The following LRRTM4 variants were observed in gnomAD, a reference collection of about 807,000 sequenced individuals.
The protein encoded by LRRTM4 is leucine rich repeat transmembrane neuronal 4.
A neutral mutation model predicts 47.6 loss-of-function variants in LRRTM4; 25 were observed. The observed-to-expected ratio is 0.53, with a 90% confidence interval of 0.38 to 0.73. The LOEUF (loss-of-function observed/expected upper bound fraction) is 0.73. Ranked by LOEUF, LRRTM4 falls within the 30% of genes least tolerant of loss-of-function variation. The pLI is 0.00. For missense variants in LRRTM4, 638 were observed against 713.4 expected, an observed-to-expected ratio of 0.89 and a Z score of 1.20; for synonymous variants, 311 against 269.5, an observed-to-expected ratio of 1.15 and a Z score of -1.51.
At chr2:77,521,524 G>A in intron 2 of LRRTM4, 144 bp downstream of exon 2, 1 of 818,216 alleles carries the variant, frequency 1.2e-6, no homozygotes, top group Non-Finnish European at 2.0e-6. Flanking sequence ...AAATATAATA[G>A]CAACTATAGT....
intron 3 of LRRTM4, among the ~76,000 whole-genome samples, chr2:77,106,597 C>T (rs1320008348): frequency 1.3e-5 from 2 of 151,836 alleles, no homozygotes; most frequent in South Asian, 2.1e-4. Flanking sequence ...GATATAAACA[C>T]TTGTAGTGAG....
chr2:77,053,033 C>G (rs376341502), intron 3 of LRRTM4, among the ~76,000 whole-genome samples: 3 of 151,542 alleles, frequency 2.0e-5, no homozygotes, highest in African/African-American at 4.8e-5. Context: ...TAACATAGTT[C>G]GGGTAAAATG....
intron 3 of LRRTM4, among the ~76,000 whole-genome samples, chr2:77,494,599 A>G (rs1487363658): frequency 6.8e-6 from 1 of 146,918 alleles, no homozygotes; most frequent in Non-Finnish European, 1.5e-5. Context: ...TTTTTTTTTT[A>G]TTCTTCATGG....
At chr2:76,773,883 T>C (rs1013264686) in intron 3 of LRRTM4, among the ~76,000 whole-genome samples, 6 of 151,912 alleles carry the variant, frequency 3.9e-5, no homozygotes, top group African/African-American at 1.4e-4. Context: ...TAAATTTTAT[T>C]TACCTGGTAT....
At chr2:77,303,775 A>G (rs566838537) in intron 3 of LRRTM4, among the ~76,000 whole-genome samples, 52 of 152,322 alleles carry the variant, frequency 3.4e-4, no homozygotes, top group African/African-American at 1.1e-3. Context: ...ATGTTGTCAC[A>G]AATGACATGA....
intron 3 of LRRTM4, among the ~76,000 whole-genome samples, chr2:77,429,123 G>C (rs1675246534): frequency 6.6e-6 from 1 of 152,166 alleles, no homozygotes; most frequent in South Asian, 2.1e-4. Context: ...GAATGAGTGG[G>C]AGTAAAGTGC....
chr2:77,389,269 C>T (rs990573281), intron 3 of LRRTM4, among the ~76,000 whole-genome samples: 13 of 151,932 alleles, frequency 8.6e-5, no homozygotes, highest in Non-Finnish European at 4.4e-5. Context: ...ATTAAAAGGG[C>T]TGAAAACTGC....
chr2:77,359,324 T>G (rs1481292439), intron 3 of LRRTM4, among the ~76,000 whole-genome samples: 1 of 152,268 alleles, frequency 6.6e-6, no homozygotes, highest in Non-Finnish European at 1.5e-5. Flanking sequence ...AATGAGATTT[T>G]TATATAATCA....
chr2:77,510,696 C>T (rs749535142), intron 3 of LRRTM4, among the ~76,000 whole-genome samples: 6 of 151,868 alleles, frequency 4.0e-5, no homozygotes, highest in Non-Finnish European at 7.4e-5. Context: ...TTATTTAGAT[C>T]TTAAAAATAT....
At position 77,518,581 on chromosome 2, in the gene LRRTM4, C is replaced by T; in HGVS notation, c.1288G>A (p.Val430Met). ...VSFHKIIAGS[V>M]ALFLSVAMIL... ...ATGGCCACTGAGAGAAAGAGAGCCA[C>T]ACTCCCGGCAATAATTTTGTGAAAT... Residue 430 changes from valine (V) to methionine (M), a missense_variant, in exon 3 of 4, where the codon GTG becomes ATG. Val to Met is a conservative substitution (Grantham distance 21, BLOSUM62 1). Transcript: ENST00000409884. The T allele has an allele frequency of 1.2e-6, 2 of 1,613,432 alleles. No individual in the cohort carries two copies. The highest frequency in any genetic ancestry group is 1.7e-6 in the Non-Finnish European group (2 of 1,179,640).
At chr2:76,786,148 A>T (rs1419134201) in intron 3 of LRRTM4, among the ~76,000 whole-genome samples, 1 of 152,150 alleles carries the variant, frequency 6.6e-6, no homozygotes, top group African/African-American at 2.4e-5. Context: ...TGATAGGAAA[A>T]GAAGTACAAA....
chr2:77,094,105 T>A (rs1670741143), intron 3 of LRRTM4, among the ~76,000 whole-genome samples: 1 of 152,098 alleles, frequency 6.6e-6, no homozygotes, highest in African/African-American at 2.4e-5. Flanking sequence ...GAACTAATAA[T>A]TTTGGTAAAG....
chr2:77,512,186 T>G (rs976308980), intron 3 of LRRTM4, among the ~76,000 whole-genome samples: 1 of 152,146 alleles, frequency 6.6e-6, no homozygotes, highest in African/African-American at 2.4e-5. Context: ...TTGGCAGTGA[T>G]AGCATTATTT....
At chr2:77,114,189 GC>G (rs1422332475) in intron 3 of LRRTM4, among the ~76,000 whole-genome samples, 1 of 152,006 alleles carries the variant, frequency 6.6e-6, no homozygotes, top group Non-Finnish European at 1.5e-5. Context: ...ACGTACCAAG[GC>G]CCAATCACCC....
intron 3 of LRRTM4, among the ~76,000 whole-genome samples, chr2:77,126,544 C>T (rs913853200): frequency 1.3e-5 from 2 of 152,152 alleles, no homozygotes; most frequent in Non-Finnish European, 2.9e-5. Context: ...GATTCCATTA[C>T]AACAGAGACT....
chr2:77,490,884 A>G (rs1678127456), intron 3 of LRRTM4, among the ~76,000 whole-genome samples: 1 of 152,168 alleles, frequency 6.6e-6, no homozygotes. Flanking sequence ...TTATAGTAAA[A>G]CAAAGAAAAA....
intron 3 of LRRTM4, among the ~76,000 whole-genome samples, chr2:77,049,091 GTTTT>G (rs906170929): frequency 1.8e-4 from 18 of 100,124 alleles, no homozygotes; most frequent in South Asian, 6.2e-4. Context: ...ATGACAGTTT[GTTTT>G]TTTTTGACTA....
chr2:76,991,039 G>C (rs932772073), intron 3 of LRRTM4, among the ~76,000 whole-genome samples: 16 of 151,708 alleles, frequency 1.1e-4, no homozygotes, highest in Non-Finnish European at 2.2e-4. Flanking sequence ...ACTTGCTCAT[G>C]AATGACTTTT....
chr2:77,449,388 G>A (rs1676171703), intron 3 of LRRTM4, among the ~76,000 whole-genome samples: 2 of 152,128 alleles, frequency 1.3e-5, no homozygotes, highest in South Asian at 4.1e-4. Flanking sequence ...CGAGAATTGT[G>A]AAAAGTCTAA....
Sources: gnomAD v4.1 joint callset for allele counts (sites outside exome capture counted in the v4.1 genomes callset) on GRCh38, gnomAD v4.1.1 for gene constraint, MANE v1.5 for transcripts, NCBI Gene and HGNC (gene_info 2026-07-23, HGNC 2026-07-21) for gene names.